The following HOXA13 variants were observed in gnomAD, a reference collection of about 807,000 sequenced individuals.
HOXA13 encodes the protein homeobox protein Hox-A13.
HOXA13 carries 5 observed loss-of-function variants against 25.7 expected under a neutral mutation model. The ratio of observed to expected loss-of-function variants is 0.19; its 90% CI spans 0.10 to 0.41. The LOEUF (loss-of-function observed/expected upper bound fraction) is 0.41. Among genes scored for constraint, HOXA13 ranks in the 10% least tolerant of loss-of-function variants. The pLI, the probability that HOXA13 is intolerant of heterozygous loss-of-function variation, is 1.00. For missense variants in HOXA13, 557 were observed against 533.5 expected (o/e 1.04, Z -0.43); for synonymous variants, 284 against 241.1 (o/e 1.18, Z -1.65).
rs974385195 is a variant in HOXA13, at chr7:27,194,653, G to A, written c.*3545C>T. The A allele has an allele frequency of 2.6e-5, 4 of 152,310 alleles. No individual in the cohort carries two copies. Among genetic ancestry groups the A allele is most frequent in the African/African-American group, 9.6e-5 (4 of 41,560 alleles). The allele number at this position is 152,310 out of a possible 1,614,324, so 9.4% of individuals were successfully genotyped here. ...CACAGAAATTTTAAATAGGAGGAGA[G>A]TTAGGTAAGATCGACACTATCAATG... On this transcript the variant is annotated 3_prime_UTR_variant, in exon 2 of 2. Coordinates refer to ENST00000649031, the MANE Select transcript of HOXA13 (RefSeq NM_000522.5).
rs368768374 is a variant in HOXA13 at position 27,197,791 on chromosome 7, C to A, written c.*407G>T. The A allele has an allele frequency of 1.9e-5, 6 of 314,534 alleles. No homozygotes were observed. The East Asian group carries it at 3.1e-4, about 16-fold the overall frequency. The allele number at this position is 314,534 out of a possible 1,614,324, so 19.5% of individuals were successfully genotyped here. ...AAAGGGAATGGCGACCTAAGAAGGA[C>A]AAGCAGATGTTTACAATGGCCTCTT... On this transcript the variant is annotated 3_prime_UTR_variant, in exon 2 of 2. Coordinates refer to ENST00000649031, the MANE Select transcript of HOXA13 (RefSeq NM_000522.5).
In HOXA13 at chr7:27,199,572, A is replaced by G. The variant is rs1784061741; in HGVS notation, c.506T>C (p.Leu169Pro). 6.5e-7 allele frequency: 1 copy of G among 1,540,588 alleles called. No individual in the cohort carries two copies. Among genetic ancestry groups the G allele is most frequent in the Non-Finnish European group, 8.7e-7 (1 of 1,146,484 alleles). ...AAQSSSGPAALPYGYFGSGYY... is the reference protein window; with the variant it reads ...AAQSSSGPAAPPYGYFGSGYY... Reference sequence around the variant, plus strand: ...GCCGCTGCCGAAGTAGCCATAGGGCAGCGCCGCGGGCCCCGACGAGCTCTG... The same window carrying G: ...GCCGCTGCCGAAGTAGCCATAGGGCGGCGCCGCGGGCCCCGACGAGCTCTG... The change falls in exon 1 of 2, where the codon CTG (leucine) becomes CCG (proline). Residue 169 changes from leucine to proline, a missense_variant. Leu to Pro is a moderately conservative substitution (Grantham distance 98). Transcript: ENST00000649031.
In HOXA13 at chr7:27,199,679, C is replaced by T; in HGVS notation, c.399G>A (p.Ala133=). Residue 133 remains alanine, a synonymous_variant, in exon 1 of 2, where the codon GCG becomes GCA. Coordinates refer to ENST00000649031, the MANE Select transcript of HOXA13 (RefSeq NM_000522.5). ...AAAAAAAAAA[A]SSSGGPGPAG... Reference sequence around the variant, plus strand: ...CCGGGCCGGGACCTCCCGAGGACGACGCGGCGGCGGCGGCGGCGGCTGCAG... The same window carrying T: ...CCGGGCCGGGACCTCCCGAGGACGATGCGGCGGCGGCGGCGGCGGCTGCAG... 2 of 1,160,854 alleles carry T rather than the reference C, an allele frequency of 1.7e-6. No individual in the cohort carries two copies. The highest frequency in any genetic ancestry group is 2.1e-6 in the Non-Finnish European group (2 of 944,640). 71.9% of individuals were successfully genotyped at this position (1,160,854 alleles called of 1,614,324 possible).
At position 27,194,677 on chromosome 7, in the gene HOXA13, T is replaced by C. The variant is rs935439128; in HGVS notation, c.*3521A>G. 6.6e-6 allele frequency: 1 copy of C among 152,166 alleles called. No individual in the cohort carries two copies. Among genetic ancestry groups the C allele is most frequent in the Non-Finnish European group, 1.5e-5 (1 of 68,030 alleles). 9.4% of individuals were successfully genotyped at this position (152,166 alleles called of 1,614,324 possible). ...AGTTAGGTAAGATCGACACTATCAA[T>C]GACCATTTTAGAACTGGGGGGAAAA... On this transcript the variant is annotated 3_prime_UTR_variant, in exon 2 of 2. Coordinates refer to ENST00000649031, the MANE Select transcript of HOXA13 (RefSeq NM_000522.5).
At position 27,199,220 on chromosome 7, in the gene HOXA13, G is replaced by A. The variant is rs375188427; in HGVS notation, c.858C>T (p.Asn286=). The A allele has an allele frequency of 1.3e-5, 21 of 1,613,388 alleles. No individual in the cohort carries two copies. Among genetic ancestry groups the A allele is most frequent in the Non-Finnish European group, 1.8e-5 (21 of 1,179,756 alleles). The part of the protein sequence containing the change: ...YQPWALPNGW[N]GQMYCPKEQA... ...GCTCTTTGGGGCAGTACATTTGGCC[G>A]TTCCAGCCGTTGGGCAGCGCCCAGG... Residue 286 remains asparagine (N), a synonymous_variant, in exon 1 of 2, where the codon AAC becomes AAT. Coordinates refer to ENST00000649031, the MANE Select transcript of HOXA13 (RefSeq NM_000522.5).
Position 27,199,829 on chromosome 7 carries a change from C to A in HOXA13, c.249G>T (p.Ala83=). 1 of 989,502 alleles carries A rather than the reference C, an allele frequency of 1.0e-6. No individual in the cohort carries two copies. Among genetic ancestry groups the A allele is most frequent in the Non-Finnish European group, 1.2e-6 (1 of 833,920 alleles). 61.3% of individuals were successfully genotyped at this position (989,502 alleles called of 1,614,324 possible). A position where few individuals can be genotyped will look rare whatever the true frequency, so the allele number is the denominator to read the frequency against. Residue 83 remains alanine, a synonymous_variant, in exon 1 of 2, where the codon GCG becomes GCT. Coordinates refer to ENST00000649031, the MANE Select transcript of HOXA13 (RefSeq NM_000522.5). ...AAAAAAAAAA[A]ANQCRNLMAH... ...CCATCAGGTTGCGGCACTGGTTGGC[C>A]GCGGCCGCCGCCGCAGCCGCGGCCG... is the stretch of plus-strand genomic sequence containing the variant.
In HOXA13 at chr7:27,195,527, C is replaced by A. The variant is rs960312179; in HGVS notation, c.*2671G>T. ...ATTCTTTATGACTCTGAATACAGCA[C>A]CTGATTGTTGTTAGAGGTCAACAGT... On this transcript the variant is annotated 3_prime_UTR_variant, in exon 2 of 2. Coordinates refer to ENST00000649031, the MANE Select transcript of HOXA13 (RefSeq NM_000522.5). The A allele has an allele frequency of 1.3e-5, 2 of 152,084 alleles. No homozygotes were observed. The highest frequency in any genetic ancestry group is 6.5e-5 in the Admixed American group (1 of 15,276). The allele number at this position is 152,084 out of a possible 1,614,324, so 9.4% of individuals were successfully genotyped here. A position where few individuals can be genotyped will look rare whatever the true frequency, so the allele number is the denominator to read the frequency against.
Position 27,196,354 on chromosome 7 carries a change from C to T in HOXA13, c.*1844G>A, listed in dbSNP as rs1364294297. 6.6e-6 allele frequency: 1 copy of T among 152,142 alleles called. No individual in the cohort carries two copies. The highest frequency in any genetic ancestry group is 1.5e-5 in the Non-Finnish European group (1 of 68,030). 9.4% of individuals were successfully genotyped at this position (152,142 alleles called of 1,614,324 possible). A position where few individuals can be genotyped will look rare whatever the true frequency, so the allele number is the denominator to read the frequency against. ...CTTGATTCCCTTGGTTGAAGAATTA[C>T]AAGGAGGCTTGTCAACGCGAGGTGG... is the stretch of plus-strand genomic sequence containing the variant. On this transcript the variant is annotated 3_prime_UTR_variant, in exon 2 of 2. Coordinates refer to ENST00000649031, the MANE Select transcript of HOXA13 (RefSeq NM_000522.5).
chr7:27,194,380 C>T lies in HOXA13; in HGVS notation c.*3818G>A, dbSNP rs1783981226. The T allele has an allele frequency of 6.6e-6, 1 of 152,004 alleles. No individual in the cohort carries two copies. Among genetic ancestry groups the T allele is most frequent in the Non-Finnish European group, 1.5e-5 (1 of 68,006 alleles). The allele number at this position is 152,004 out of a possible 1,614,324, so 9.4% of individuals were successfully genotyped here. ...AAAGTAGCGTTTTTTTTTAAAGTCC[C>T]ATTTTTATTTTCTTAATTCAGGAAG... is the stretch of plus-strand genomic sequence containing the variant. On this transcript the variant is annotated 3_prime_UTR_variant, in exon 2 of 2. Transcript: ENST00000649031.
At position 27,200,041 on chromosome 7, in the gene HOXA13, C is replaced by G; in HGVS notation, c.37G>C (p.Glu13Gln). Reference protein sequence around the residue: ...ASVLLHPRWIEPTVMFLYDNG... With the variant: ...ASVLLHPRWIQPTVMFLYDNG... ...TCGTAGAGAAACATGACGGTGGGCT[C>G]GATCCAGCGGGGGTGGAGGAGCACG... Residue 13 changes from glutamate (E) to glutamine (Q), a missense_variant, in exon 1 of 2, where the codon GAG becomes CAG. Physicochemically the swap from Glu to Gln is conservative, Grantham distance 29. Transcript: ENST00000649031. 6.1e-6 allele frequency: 9 copies of G among 1,483,216 alleles called. No homozygotes were observed. Among genetic ancestry groups the G allele is most frequent in the Non-Finnish European group, 7.3e-6 (8 of 1,101,956 alleles). 91.9% of individuals were successfully genotyped at this position (1,483,216 alleles called of 1,614,324 possible). A position where few individuals can be genotyped will look rare whatever the true frequency, so the allele number is the denominator to read the frequency against.
rs776288905 is a variant in HOXA13, at chr7:27,200,050, G to C, written c.28C>G (p.Arg10Gly). Residue 10 changes from arginine to glycine, a missense_variant, in exon 1 of 2, where the codon CGC becomes GGC. Transcript: ENST00000649031. MTASVLLHPRWIEPTVMFLY... is the reference protein window; with the variant it reads MTASVLLHPGWIEPTVMFLY... The stretch of plus-strand genomic sequence containing the variant: ...AACATGACGGTGGGCTCGATCCAGC[G>C]GGGGTGGAGGAGCACGGAGGCTGTC... 5.7e-5 allele frequency: 84 copies of C among 1,477,326 alleles called. No homozygotes were observed. The highest frequency in any genetic ancestry group is 7.4e-5 in the Non-Finnish European group (81 of 1,098,088). The allele number at this position is 1,477,326 out of a possible 1,614,324, so 91.5% of individuals were successfully genotyped here.
At position 27,195,895 on chromosome 7, in the gene HOXA13, C is replaced by G. The variant is rs1783998646; in HGVS notation, c.*2303G>C. 1 of 152,232 alleles carries G rather than the reference C, an allele frequency of 6.6e-6. No homozygotes were observed. Among genetic ancestry groups the G allele is most frequent in the Admixed American group, 6.5e-5 (1 of 15,288 alleles). The allele number at this position is 152,232 out of a possible 1,614,324, so 9.4% of individuals were successfully genotyped here. On this transcript the variant is annotated 3_prime_UTR_variant, in exon 2 of 2. Coordinates refer to ENST00000649031, the MANE Select transcript of HOXA13 (RefSeq NM_000522.5). ...GCTCTAATTACAGTGTGAGACCACC[C>G]TGGAGGGTGAGGACCAGGAAGGAAT...
At position 27,194,902 on chromosome 7, in the gene HOXA13, T is replaced by C. The variant is rs1226082665; in HGVS notation, c.*3296A>G. ...AATATTTCTTACATCTAAAGAAAAA[T>C]ATCCCCTGTCAACAGAAGAGTCCCT... On this transcript the variant is annotated 3_prime_UTR_variant, in exon 2 of 2. Coordinates refer to ENST00000649031, the MANE Select transcript of HOXA13 (RefSeq NM_000522.5). The C allele has an allele frequency of 6.6e-6, 1 of 152,138 alleles. No individual in the cohort carries two copies. Among genetic ancestry groups the C allele is most frequent in the South Asian group, 2.1e-4 (1 of 4,832 alleles). The allele number at this position is 152,138 out of a possible 1,614,324, so 9.4% of individuals were successfully genotyped here.
In HOXA13 at chr7:27,199,850, G is replaced by A. The variant is rs962505829; in HGVS notation, c.228C>T (p.Ala76=). The A allele has an allele frequency of 2.4e-5, 24 of 993,860 alleles. No individual in the cohort carries two copies. Among genetic ancestry groups the A allele is most frequent in the African/African-American group, 3.5e-5 (2 of 56,578 alleles). 61.6% of individuals were successfully genotyped at this position (993,860 alleles called of 1,614,324 possible). The change falls in exon 1 of 2, where the codon GCC becomes GCT. Residue 76 remains alanine (A), a synonymous_variant. Coordinates refer to ENST00000649031, the MANE Select transcript of HOXA13 (RefSeq NM_000522.5). ...TGGCCGCGGCCGCCGCCGCAGCCGC[G>A]GCCGCCGCCGCCACCGAGAAGTTGC... is the stretch of plus-strand genomic sequence containing the variant. ...AGGNFSVAAA[A]AAAAAAAANQ... is the part of the protein sequence containing the mutation.
chr7:27,199,043 G>A (rs1784046989), intron 1 of HOXA13, 113 bp downstream of exon 1: 2 of 1,047,224 alleles, frequency 1.9e-6, no homozygotes, highest in African/African-American at 3.2e-5. Flanking sequence ...GTGCAGAGCC[G>A]CTAGGGCAGA....
In HOXA13 at chr7:27,200,053, G is replaced by T; in HGVS notation, c.25C>A (p.Pro9Thr). The change falls in exon 1 of 2, where the codon CCC becomes ACC. Residue 9 changes from proline (P) to threonine (T), a missense_variant. Pro to Thr is a conservative substitution (Grantham distance 38, BLOSUM62 -1). Coordinates refer to ENST00000649031, the MANE Select transcript of HOXA13 (RefSeq NM_000522.5). MTASVLLHPRWIEPTVMFL... is the reference protein window; with the variant it reads MTASVLLHTRWIEPTVMFL... ...ATGACGGTGGGCTCGATCCAGCGGGGGTGGAGGAGCACGGAGGCTGTCATA... is the reference window on the plus strand; with the variant it reads ...ATGACGGTGGGCTCGATCCAGCGGGTGTGGAGGAGCACGGAGGCTGTCATA... 1.4e-6 allele frequency: 2 copies of T among 1,478,746 alleles called. No homozygotes were observed. The highest frequency in any genetic ancestry group is 1.8e-6 in the Non-Finnish European group (2 of 1,098,916). 91.6% of individuals were successfully genotyped at this position (1,478,746 alleles called of 1,614,324 possible).
rs138250182 is a variant in HOXA13, at chr7:27,198,147, C to T, written c.*51G>A. The stretch of plus-strand genomic sequence containing the variant: ...TATTATCATTATCTGGGCAAAGCAA[C>T]GAGTTCTGAAGCGTTTCTTCAAGTT... On this transcript the variant is annotated 3_prime_UTR_variant, in exon 2 of 2. Coordinates refer to ENST00000649031, the MANE Select transcript of HOXA13 (RefSeq NM_000522.5). The T allele has an allele frequency of 5.1e-5, 82 of 1,599,240 alleles. No homozygotes were observed. In the East Asian group the frequency reaches 1.8e-3, roughly 34 times the overall value.
rs749825915 is a variant in HOXA13 at position 27,199,510 on chromosome 7, C to T, written c.568G>A (p.Ala190Thr). 6.2e-7 allele frequency: 1 copy of T among 1,603,596 alleles called. No individual in the cohort carries two copies. The highest frequency in any genetic ancestry group is 8.5e-7 in the Non-Finnish European group (1 of 1,175,760). The part of the protein sequence containing the change: ...PCARMGPHPN[A>T]IKSCAQPASA... ...GCGGGCTGCGCGCACGACTTGATGGCGTTGGGGTGCGGGCCCATGCGGGCG... is the reference window on the plus strand; with the variant it reads ...GCGGGCTGCGCGCACGACTTGATGGTGTTGGGGTGCGGGCCCATGCGGGCG... The change falls in exon 1 of 2, where the codon GCC (alanine) becomes ACC (threonine). Residue 190 changes from alanine to threonine, a missense_variant. Transcript: ENST00000649031.
chr7:27,199,608 G>A lies in HOXA13; in HGVS notation c.470C>T (p.Ser157Leu), dbSNP rs999293422. ...CCCCGACGAGCTCTGCGCCGCTGCC[G>A]AGCAGGGGCTGCATTGCTTGGCGGC... Reference protein sequence around the residue: ...AEAAKQCSPCSAAAQSSSGPA... With the variant: ...AEAAKQCSPCLAAAQSSSGPA... The change falls in exon 1 of 2, where the codon TCG (serine) becomes TTG (leucine). Residue 157 changes from serine to leucine, a missense_variant. Physicochemically the swap from Ser to Leu is moderately radical, Grantham distance 145. Transcript: ENST00000649031. 2 of 1,479,142 alleles carry A rather than the reference G, an allele frequency of 1.4e-6. No homozygotes were observed. Among genetic ancestry groups the A allele is most frequent in the Non-Finnish European group, 1.8e-6 (2 of 1,121,622 alleles). 91.6% of individuals were successfully genotyped at this position (1,479,142 alleles called of 1,614,324 possible).
Sources: allele counts gnomAD v4.1 joint callset, GRCh38; gene constraint gnomAD v4.1.1; transcripts MANE v1.5; gene names NCBI Gene and HGNC (gene_info 2026-07-23, HGNC 2026-07-21).